Variants in CCDC187 observed in about 807,000 individuals in gnomAD.
CCDC187 encodes the protein coiled-coil domain containing 187.
CCDC187 carries 32 observed loss-of-function variants against 38.0 expected under a neutral mutation model. That is an observed-to-expected ratio of 0.84 (90% CI 0.64 to 1.13). The LOEUF (loss-of-function observed/expected upper bound fraction) is 1.13. Ranked by LOEUF, CCDC187 falls within the 50% of genes most tolerant of loss-of-function variation. The pLI, the probability that CCDC187 is intolerant of heterozygous loss-of-function variation, is 0.00. For missense variants in CCDC187, 707 were observed against 786.8 expected (o/e 0.90, Z 1.21); for synonymous variants, 333 against 347.9 (o/e 0.96, Z 0.48).
At position 136,260,270 on chromosome 9, in the gene CCDC187, C is replaced by G. The variant is rs546915357; in HGVS notation, c.4065-6G>C. 2.2e-5 allele frequency: 22 copies of G among 984,974 alleles called. No homozygotes were observed. Among genetic ancestry groups the G allele is most frequent in the Non-Finnish European group, 2.5e-5 (21 of 829,964 alleles). 61.0% of individuals were successfully genotyped at this position (984,974 alleles called of 1,614,324 possible). ...CCTGCTGCTCAGTGGGAGGGCTGCA[C>G]GGCCATGCAGAGTGGAGGTGACCGC... On this transcript the variant is annotated splice_region_variant and splice_polypyrimidine_tract_variant and intron_variant, in intron 19 of 25. Coordinates refer to ENST00000638797, the MANE Select transcript of CCDC187 (RefSeq NM_001378188.1).
chr9:136,292,898 A>G (rs1831370221), intron 4 of CCDC187, among the ~76,000 whole-genome samples: 1 of 152,196 alleles, frequency 6.6e-6, no homozygotes, highest in African/African-American at 2.4e-5. Context: ...AAACGGCCCC[A>G]CGTCCCGAGT....
chr9:136,299,341 G>A (rs1831616174), intron 3 of CCDC187, among the ~76,000 whole-genome samples: 1 of 152,086 alleles, frequency 6.6e-6, no homozygotes, highest in South Asian at 2.1e-4. Flanking sequence ...CAGACCTCAC[G>A]GAGAAACCAC....
Position 136,253,520 on chromosome 9 carries a change from G to T in CCDC187, c.*74C>A. On this transcript the variant is annotated 3_prime_UTR_variant, in exon 26 of 26. Coordinates refer to ENST00000638797, the MANE Select transcript of CCDC187 (RefSeq NM_001378188.1). The stretch of plus-strand genomic sequence containing the variant: ...CTGGCTGCCTCCGGCCTCATCCCCT[G>T]CTGCAGAACTGCATCTACCCAACTG... 1.2e-6 allele frequency: 1 copy of T among 853,452 alleles called. No homozygotes were observed. Among genetic ancestry groups the T allele is most frequent in the Non-Finnish European group, 1.4e-6 (1 of 709,336 alleles). The allele number at this position is 853,452 out of a possible 1,614,324, so 52.9% of individuals were successfully genotyped here. A position where few individuals can be genotyped will look rare whatever the true frequency, so the allele number is the denominator to read the frequency against.
intron 4 of CCDC187, 39 bp downstream of exon 4, chr9:136,297,675 G>T (rs1185641361): frequency 2.5e-6 from 1 of 399,392 alleles, no homozygotes. Flanking sequence ...AGGATCATAT[G>T]CACCTAGCGT....
In CCDC187 at chr9:136,250,122, A is replaced by G. The variant is rs1830517426; in HGVS notation, c.*3472T>C. ...AATGCCAAAGCCCTCCGCTCTGTAT[A>G]TGTCCTGTTGGGAGATTAAATGCGT... On this transcript the variant is annotated 3_prime_UTR_variant, in exon 26 of 26. Coordinates refer to ENST00000638797, the MANE Select transcript of CCDC187 (RefSeq NM_001378188.1). 6.4e-6 allele frequency: 1 copy of G among 155,404 alleles called. No individual in the cohort carries two copies. Among genetic ancestry groups the G allele is most frequent in the African/African-American group, 2.4e-5 (1 of 41,424 alleles). The allele number at this position is 155,404 out of a possible 1,614,324, so 9.6% of individuals were successfully genotyped here.
At chr9:136,285,098 G>T (rs1199528450) in intron 9 of CCDC187, among the ~76,000 whole-genome samples, 2 of 152,114 alleles carry the variant, frequency 1.3e-5, no homozygotes, top group Non-Finnish European at 2.9e-5. Flanking sequence ...CCGTGCTGGG[G>T]ATGGGAGCCA....
In CCDC187 at chr9:136,256,805, C is replaced by T. The variant is rs1830618659; in HGVS notation, c.4403G>A (p.Gly1468Glu). ...PQTKPGPSLA[G>E]KPRAPTDSHV... ...GCTGTCTGTTGGAGCCCGGGGCTTC[C>T]CTGCTAAGGAAGGGCCGGGCTTGGT... Residue 1468 changes from glycine (G) to glutamate (E), a missense_variant, in exon 23 of 26, where the codon GGG becomes GAG. By Grantham distance (98) the Gly-to-Glu change is moderately conservative. Coordinates refer to ENST00000638797, the MANE Select transcript of CCDC187 (RefSeq NM_001378188.1). The T allele has an allele frequency of 6.6e-6, 1 of 152,252 alleles. No individual in the cohort carries two copies. Among genetic ancestry groups the T allele is most frequent in the African/African-American group, 2.4e-5 (1 of 41,452 alleles). 9.4% of individuals were successfully genotyped at this position (152,252 alleles called of 1,614,324 possible).
In CCDC187 at chr9:136,254,503, G is replaced by T. The variant is rs998392750; in HGVS notation, c.5325C>A (p.Thr1775=). 2 of 985,348 alleles carry T rather than the reference G, an allele frequency of 2.0e-6. No individual in the cohort carries two copies. The highest frequency in any genetic ancestry group is 2.4e-6 in the Non-Finnish European group (2 of 829,944). 61.0% of individuals were successfully genotyped at this position (985,348 alleles called of 1,614,324 possible). A position where few individuals can be genotyped will look rare whatever the true frequency, so the allele number is the denominator to read the frequency against. The change falls in exon 26 of 26, where the codon ACC becomes ACA. Residue 1775 remains threonine (T), a synonymous_variant. Transcript: ENST00000638797. ...AGCTCCCCGAGGCTGGCTTGGCCCC[G>T]GTACAGGGTTCTGGCAGGTCCTCCT... The part of the protein sequence containing the change: ...DCEEDLPEPC[T]GAKPASGSSL...
In CCDC187 at chr9:136,252,167, C is replaced by T. The variant is rs1564303387; in HGVS notation, c.*1427G>A. Reference sequence around the variant, plus strand: ...ACCAGGGGAAGAGCCGGCCGCCCACCCGGTCCACCCCGGGAAGAGCCGGCC... The same window carrying T: ...ACCAGGGGAAGAGCCGGCCGCCCACTCGGTCCACCCCGGGAAGAGCCGGCC... On this transcript the variant is annotated 3_prime_UTR_variant, in exon 26 of 26. Transcript: ENST00000638797. The T allele has an allele frequency of 9.6e-6, 1 of 103,722 alleles. No individual in the cohort carries two copies. Among genetic ancestry groups the T allele is most frequent in the African/African-American group, 3.2e-5 (1 of 31,654 alleles). The allele number at this position is 103,722 out of a possible 1,614,324, so 6.4% of individuals were successfully genotyped here. A position where few individuals can be genotyped will look rare whatever the true frequency, so the allele number is the denominator to read the frequency against.
intron 14 of CCDC187, among the ~76,000 whole-genome samples, chr9:136,269,042 C>T (rs1483851112): frequency 6.6e-6 from 1 of 152,174 alleles, no homozygotes; most frequent in Non-Finnish European, 1.5e-5. Context: ...TGAGATGTAT[C>T]AAGTGTCCCT....
chr9:136,260,054 A>T (rs1296514764), intron 20 of CCDC187, 65 bp downstream of exon 20: 2 of 982,282 alleles, frequency 2.0e-6, no homozygotes, highest in Non-Finnish European at 2.4e-6. Context: ...GCCACCCCAC[A>T]CTGCCCAGGG....
chr9:136,294,126 T>A (rs1321588431), intron 4 of CCDC187, among the ~76,000 whole-genome samples: 3 of 18,734 alleles, frequency 1.6e-4, no homozygotes, highest in East Asian at 4.1e-3. Flanking sequence ...ACTCTCACAC[T>A]CATACACACG....
Position 136,251,228 on chromosome 9 carries a change from T to C in CCDC187, c.*2366A>G, listed in dbSNP as rs1032139487. ...AAGGGTCCCAGAGAAATTACAGGGG[T>C]CCCAGTGAATCCTCTGGAAGCAAAG... On this transcript the variant is annotated 3_prime_UTR_variant, in exon 26 of 26. Coordinates refer to ENST00000638797, the MANE Select transcript of CCDC187 (RefSeq NM_001378188.1). 7 of 337,210 alleles carry C rather than the reference T, an allele frequency of 2.1e-5. No individual in the cohort carries two copies. Among genetic ancestry groups the C allele is most frequent in the African/African-American group, 4.3e-5 (2 of 46,448 alleles). 20.9% of individuals were successfully genotyped at this position (337,210 alleles called of 1,614,324 possible).
In CCDC187 at chr9:136,270,695, C is replaced by T. The variant is rs373579141; in HGVS notation, c.3443-2570G>A. Among the ~76,000 whole-genome samples the T allele has an allele frequency of 4.5e-4, 69 of 152,290 alleles. No homozygotes were observed. In the East Asian group the frequency reaches 0.013, roughly 28 times the overall value. ...GCTGGTGGAGCAGAGCGTTCCCTGA[C>T]TCCTCCAAGGAAAGGAGACTCCCTT... On this transcript the variant is annotated intron_variant, in intron 14 of 25. Transcript: ENST00000638797.
chr9:136,297,771 T>C lies in CCDC187; in HGVS notation c.775A>G (p.Lys259Glu), dbSNP rs1467996226. 18 of 398,370 alleles carry C rather than the reference T, an allele frequency of 4.5e-5. No individual in the cohort carries two copies. In the East Asian group the frequency reaches 5.3e-4, roughly 12 times the overall value. 24.7% of individuals were successfully genotyped at this position (398,370 alleles called of 1,614,324 possible). A position where few individuals can be genotyped will look rare whatever the true frequency, so the allele number is the denominator to read the frequency against. ...CTAGGGGAGGGCAACTTGGGGGTCT[T>C]CTCTCTTTTGCAAGAACTGCTTTTG... The part of the protein sequence containing the change: ...RVKSSSCKRE[K>E]TPKLPSPRRA... Residue 259 changes from lysine (K) to glutamate (E), a missense_variant, in exon 4 of 26, where the codon AAG becomes GAG. Lys to Glu is a moderately conservative substitution (Grantham distance 56). Coordinates refer to ENST00000638797, the MANE Select transcript of CCDC187 (RefSeq NM_001378188.1).
intron 7 of CCDC187, among the ~76,000 whole-genome samples, chr9:136,288,418 G>C: frequency 6.6e-6 from 1 of 152,354 alleles, no homozygotes; most frequent in East Asian, 1.9e-4. Flanking sequence ...AGATACGCCA[G>C]GGGCAGCCCT....
At chr9:136,294,779 C>G (rs1831493784) in intron 4 of CCDC187, among the ~76,000 whole-genome samples, 1 of 152,174 alleles carries the variant, frequency 6.6e-6, no homozygotes, top group African/African-American at 2.4e-5. Flanking sequence ...ATGGCCACGG[C>G]CTCTCCAGGA....
Position 136,250,703 on chromosome 9 carries a change from G to C in CCDC187, c.*2891C>G. ...AACATCTGCATTCTCAGGTGGGCTG[G>C]GCAGGAGCTGGTGCAAAATCAGATG... On this transcript the variant is annotated 3_prime_UTR_variant, in exon 26 of 26. Transcript: ENST00000638797. 1 of 456,044 alleles carries C rather than the reference G, an allele frequency of 2.2e-6. No individual in the cohort carries two copies. The highest frequency in any genetic ancestry group is 1.5e-5 in the South Asian group (1 of 64,542). The allele number at this position is 456,044 out of a possible 1,614,324, so 28.2% of individuals were successfully genotyped here. A position where few individuals can be genotyped will look rare whatever the true frequency, so the allele number is the denominator to read the frequency against.
rs532101377 is a variant in CCDC187, at chr9:136,255,103, G to A, written c.4725C>T (p.Pro1575=). The A allele has an allele frequency of 4.7e-5, 46 of 985,524 alleles. 1 individual carries two copies. In the Admixed American group the frequency reaches 1.7e-3, roughly 36 times the overall value. 61.0% of individuals were successfully genotyped at this position (985,524 alleles called of 1,614,324 possible). A position where few individuals can be genotyped will look rare whatever the true frequency, so the allele number is the denominator to read the frequency against. Residue 1575 remains proline (P), a synonymous_variant, in exon 26 of 26, where the codon CCC becomes CCT. Coordinates refer to ENST00000638797, the MANE Select transcript of CCDC187 (RefSeq NM_001378188.1). The part of the protein sequence containing the change: ...AAPVVPEEAA[P]PILHQGSPLL... Reference sequence around the variant, plus strand: ...GGGGACTGCCCTGGTGCAGGATTGGGGGCGCCGCCTCCTCAGGGACCACAG... The same window carrying A: ...GGGGACTGCCCTGGTGCAGGATTGGAGGCGCCGCCTCCTCAGGGACCACAG...
Sources: allele counts gnomAD v4.1 joint callset (sites outside exome capture counted in the v4.1 genomes callset), GRCh38; gene constraint gnomAD v4.1.1; transcripts MANE v1.5; gene names NCBI Gene and HGNC (gene_info 2026-07-23, HGNC 2026-07-21).